ZNF490: variants seen among roughly 807,000 people sequenced by gnomAD.
The protein encoded by ZNF490 is zinc finger protein 490.
A neutral mutation model predicts 17.7 loss-of-function variants in ZNF490; 11 were observed. The ratio of observed to expected loss-of-function variants is 0.62; its 90% CI spans 0.39 to 1.03. The LOEUF is 1.03. Among genes scored for constraint, ZNF490 ranks in the 50% least tolerant of loss-of-function variants. The pLI, the probability that ZNF490 is intolerant of heterozygous loss-of-function variation, is 0.00. For missense variants in ZNF490, 542 were observed against 643.4 expected, an observed-to-expected ratio of 0.84 and a Z score of 1.71; for synonymous variants, 222 against 216.1, an observed-to-expected ratio of 1.03 and a Z score of -0.24.
In ZNF490 at chr19:12,606,914, G is replaced by A. The variant is rs1762592115; in HGVS notation, c.162+2244C>T. On this transcript the variant is annotated intron_variant, in intron 2 of 4. Transcript: ENST00000311437. ...TAATTTATGTTTGCACATCACTGTG[G>A]TGACTAATGTGATTTCATAATCATT... Among the ~76,000 whole-genome samples, 5 of 152,222 alleles carry A rather than the reference G, an allele frequency of 3.3e-5. 1 individual carries two copies. The South Asian group carries it at 1.0e-3, about 32-fold the overall frequency.
At chr19:12,605,919 C>T (rs901570866) in intron 2 of ZNF490, among the ~76,000 whole-genome samples, 1 of 151,030 alleles carries the variant, frequency 6.6e-6, no homozygotes, top group African/African-American at 2.4e-5. Flanking sequence ...GAGTTTTGCT[C>T]TTGTTGCCCA....
intron 2 of ZNF490, among the ~76,000 whole-genome samples, chr19:12,599,065 T>C (rs2022969999): frequency 1.6e-5 from 2 of 129,014 alleles, no homozygotes; most frequent in African/African-American, 6.1e-5. Flanking sequence ...GGCAGGAGAA[T>C]CGCTTGAACC....
chr19:12,600,510 G>C (rs917879452), intron 2 of ZNF490, among the ~76,000 whole-genome samples: 1 of 152,002 alleles, frequency 6.6e-6, no homozygotes. Context: ...GACTATATCT[G>C]TATATATATG....
chr19:12,583,565 T>A lies in ZNF490; in HGVS notation c.163-9A>T, dbSNP rs766113304. On this transcript the variant is annotated splice_polypyrimidine_tract_variant and intron_variant, in intron 2 of 4. Coordinates refer to ENST00000311437, the MANE Select transcript of ZNF490 (RefSeq NM_020714.3). Reference sequence around the variant, plus strand: ...TCAAGGGAGATGGAGTCCTAAAACATCCCCCATGTGTGTTTAGGAGGAGGA... The same window carrying A: ...TCAAGGGAGATGGAGTCCTAAAACAACCCCCATGTGTGTTTAGGAGGAGGA... The A allele has an allele frequency of 5.7e-6, 9 of 1,584,790 alleles. No individual in the cohort carries two copies. Among genetic ancestry groups the A allele is most frequent in the East Asian group, 2.3e-5 (1 of 43,026 alleles).
At chr19:12,591,893 TAA>T (rs755731863) in intron 2 of ZNF490, among the ~76,000 whole-genome samples, 2 of 151,552 alleles carry the variant, frequency 1.3e-5, no homozygotes, top group Admixed American at 6.6e-5. Flanking sequence ...AGGTATTTAC[TAA>T]AAAGAGTTGA....
chr19:12,594,600 C>G (rs1440428159), intron 2 of ZNF490, among the ~76,000 whole-genome samples: 6 of 152,226 alleles, frequency 3.9e-5, no homozygotes, highest in Non-Finnish European at 8.8e-5. Context: ...CAATGATGAC[C>G]AATTTGCAAG....
chr19:12,605,486 A>G (rs1390174183), intron 2 of ZNF490, among the ~76,000 whole-genome samples: 1 of 144,682 alleles, frequency 6.9e-6, no homozygotes, highest in African/African-American at 2.8e-5. Flanking sequence ...GCTCTATTAA[A>G]AAAAAAAAAA....
chr19:12,597,144 C>T (rs1377948152), intron 2 of ZNF490: 2 of 462,104 alleles, frequency 4.3e-6, no homozygotes, highest in East Asian at 1.4e-4. Context: ...GCCCCGCACA[C>T]TCACCATTTC....
At position 12,577,767 on chromosome 19, in the gene ZNF490, A is replaced by C. The variant is rs1295861979; in HGVS notation, c.*2718T>G. On this transcript the variant is annotated 3_prime_UTR_variant, in exon 5 of 5. Coordinates refer to ENST00000311437, the MANE Select transcript of ZNF490 (RefSeq NM_020714.3). ...CCTAAAGAGTTCCGACCCGAGCGACACAAAGATCACTTCTGGGACCCACCC... is the reference window on the plus strand; with the variant it reads ...CCTAAAGAGTTCCGACCCGAGCGACCCAAAGATCACTTCTGGGACCCACCC... The C allele has an allele frequency of 5.1e-6, 5 of 985,524 alleles. No individual in the cohort carries two copies. The African/African-American group carries it at 8.7e-5, about 17-fold the overall frequency. 61.0% of individuals were successfully genotyped at this position (985,524 alleles called of 1,614,324 possible). A position where few individuals can be genotyped will look rare whatever the true frequency, so the allele number is the denominator to read the frequency against.
At chr19:12,597,267 T>C (rs1211160344) in intron 2 of ZNF490, 4 of 447,074 alleles carry the variant, frequency 8.9e-6, no homozygotes, top group Middle Eastern at 3.3e-4. Context: ...GACGCAATCC[T>C]AGCGAACCGC....
intron 2 of ZNF490, among the ~76,000 whole-genome samples, chr19:12,599,177 A>G (rs1195368037): frequency 6.7e-6 from 1 of 149,722 alleles, no homozygotes; most frequent in Non-Finnish European, 1.5e-5. Flanking sequence ...GAAAGAAAAG[A>G]AAAAAAAAGA....
At position 12,580,796 on chromosome 19, in the gene ZNF490, A is replaced by G. The variant is rs1485213389; in HGVS notation, c.1279T>C (p.Phe427Leu). 1 of 1,614,078 alleles carries G rather than the reference A, an allele frequency of 6.2e-7. No individual in the cohort carries two copies. The highest frequency in any genetic ancestry group is 8.5e-7 in the Non-Finnish European group (1 of 1,180,046). Residue 427 changes from phenylalanine to leucine, a missense_variant, in exon 5 of 5, where the codon TTT becomes CTT. Phe to Leu is a conservative substitution (Grantham distance 22). Transcript: ENST00000311437. Reference protein sequence around the residue: ...TYECKECGKAFLYSTHFRIHE... With the variant: ...TYECKECGKALLYSTHFRIHE... ...ATTCGAAAGTGAGTGGAATAAAGAA[A>G]GGCTTTACCACATTCTTTACATTCG...
chr19:12,610,397 A>G (rs756315027), intron 1 of ZNF490, among the ~76,000 whole-genome samples, 167 bp downstream of exon 1: 4 of 151,362 alleles, frequency 2.6e-5, no homozygotes. Flanking sequence ...TAAAGTGCCA[A>G]ATGTGTGGAG....
chr19:12,583,807 ATATATTT>A lies in ZNF490; in HGVS notation c.163-258_163-252del, dbSNP rs1243371608. 1.2e-4 allele frequency among the ~76,000 whole-genome samples: 13 copies of A among 112,386 alleles called. 2 individuals carry two copies. The highest frequency in any genetic ancestry group is 3.3e-4 in the African/African-American group (9 of 27,050). 73.7% of individuals were successfully genotyped at this position (112,386 alleles called of 152,430 possible). On this transcript the variant is annotated intron_variant, in intron 2 of 4. Transcript: ENST00000311437. ...TCTCTCTCTCTATATATATATATAT[ATATATTT>A]TTTTTTTTTTTTTTTTGAAACATTC...
intron 2 of ZNF490, among the ~76,000 whole-genome samples, chr19:12,607,395 G>A (rs1015586688): frequency 3.3e-5 from 5 of 151,754 alleles, no homozygotes; most frequent in East Asian, 1.9e-4. Context: ...GCGTGGTGGC[G>A]CACACCTAGT....
rs545053469 is a variant in ZNF490, at chr19:12,597,544, A to G, written c.162+11614T>C. Among the ~76,000 whole-genome samples, 32 of 152,220 alleles carry G rather than the reference A, an allele frequency of 2.1e-4. No individual in the cohort carries two copies. The East Asian group carries it at 6.0e-3, about 28-fold the overall frequency. ...TAAGTGTAGTTACATTGTGAAACCA[A>G]TCTCTAGAACTGATTTAATCTTGCA... On this transcript the variant is annotated intron_variant, in intron 2 of 4. Coordinates refer to ENST00000311437, the MANE Select transcript of ZNF490 (RefSeq NM_020714.3).
intron 2 of ZNF490, among the ~76,000 whole-genome samples, chr19:12,608,186 G>A (rs185707100): frequency 5.6e-4 from 86 of 152,258 alleles, no homozygotes; most frequent in African/African-American, 1.9e-3. Flanking sequence ...ACACTAACCC[G>A]TGCCTTATCC....
chr19:12,588,506 C>G (rs1169570897), intron 2 of ZNF490, among the ~76,000 whole-genome samples: 2 of 152,082 alleles, frequency 1.3e-5, no homozygotes, highest in Non-Finnish European at 2.9e-5. Flanking sequence ...GGAAGAAATA[C>G]ATGAATTCAC....
chr19:12,598,566 G>T (rs1275390487), intron 2 of ZNF490, among the ~76,000 whole-genome samples: 1 of 151,348 alleles, frequency 6.6e-6, no homozygotes, highest in African/African-American at 2.4e-5. Flanking sequence ...TAGACACGGG[G>T]TTTCTCCATG....
Sources: allele counts gnomAD v4.1 joint callset (sites outside exome capture counted in the v4.1 genomes callset), GRCh38; gene constraint gnomAD v4.1.1; transcripts MANE v1.5; gene names NCBI Gene and HGNC (gene_info 2026-07-23, HGNC 2026-07-21).